Variants in CLIP1 observed in about 807,000 individuals in gnomAD.
CLIP1 encodes the protein CAP-Gly domain containing linker protein 1, also known as CAP-Gly domain-containing linker protein 1.
CLIP1 carries 66 observed loss-of-function variants against 161.6 expected under a neutral mutation model. The ratio of observed to expected loss-of-function variants is 0.41; its 90% CI spans 0.33 to 0.50. The LOEUF (loss-of-function observed/expected upper bound fraction) is 0.50, where lower values mean the gene tolerates loss of function less well. Ranked by LOEUF, CLIP1 falls within the 20% of genes least tolerant of loss-of-function variation. The probability of loss-of-function intolerance (pLI) is 0.27; values close to 1 mark genes in which losing one functional copy is unlikely to be tolerated. For synonymous variants in CLIP1, 598 were observed against 626.2 expected (o/e 0.96, Z 0.67); for missense variants, 1,376 against 1,702.0 (o/e 0.81, Z 3.37).
intron 3 of CLIP1, chr12:122,364,730 G>A: frequency 1.7e-6 from 1 of 586,942 alleles, no homozygotes; most frequent in Non-Finnish European, 3.2e-6. Context: ...TAACAGAAAT[G>A]TTCCTGCTTC....
At chr12:122,316,882 A>G (rs1951294249) in intron 18 of CLIP1, 27 bp from the exon 19 acceptor site, 2 of 1,308,408 alleles carry the variant, frequency 1.5e-6, no homozygotes, top group Non-Finnish European at 2.1e-6. Flanking sequence ...AAAAAACTTG[A>G]TGAAATTATT....
intron 21 of CLIP1, among the ~76,000 whole-genome samples, chr12:122,285,300 C>G (rs1358918118): frequency 1.3e-5 from 2 of 150,826 alleles, no homozygotes; most frequent in African/African-American, 4.9e-5. Context: ...GATCTCGGCT[C>G]ACTACAACCT....
At chr12:122,309,741 C>T (rs575218302) in intron 20 of CLIP1, 21 bp downstream of exon 20, 3 of 1,611,786 alleles carry the variant, frequency 1.9e-6, no homozygotes, top group Admixed American at 1.7e-5. Flanking sequence ...CAGCTGGAAC[C>T]CCTCGCCAAA....
intron 18 of CLIP1, among the ~76,000 whole-genome samples, chr12:122,317,853 C>T (rs972219954): frequency 1.3e-5 from 2 of 152,062 alleles, no homozygotes; most frequent in Admixed American, 6.6e-5. Context: ...TTCATCCAAC[C>T]CTGAATTCTG....
At chr12:122,411,358 A>G (rs1475959189) in intron 1 of CLIP1, among the ~76,000 whole-genome samples, 1 of 152,166 alleles carries the variant, frequency 6.6e-6, no homozygotes, top group Non-Finnish European at 1.5e-5. Context: ...GGAGGTTGCA[A>G]TGAGCCGAGA....
At chr12:122,338,279 A>T (rs893834232) in intron 11 of CLIP1, among the ~76,000 whole-genome samples, 1 of 152,204 alleles carries the variant, frequency 6.6e-6, no homozygotes, top group African/African-American at 2.4e-5. Context: ...CGGAGGCTGC[A>T]GTGAGGGTGA....
chr12:122,380,495 C>CTATCTTT lies in CLIP1; in HGVS notation c.-50_-44dup. On this transcript the variant is annotated 5_prime_UTR_variant, in exon 2 of 26. It removes the in-frame stop codon of an upstream open reading frame in the 5' UTR. Coordinates refer to ENST00000620786, the MANE Select transcript of CLIP1 (RefSeq NM_001247997.2). ...GCTGTTTCTCCTTTGCCTGTTGCCA[C>CTATCTTT]TATCTTTCCCCAACCATTGATACAA... 1 of 1,266,716 alleles carries CTATCTTT rather than the reference C, an allele frequency of 7.9e-7. No homozygotes were observed. Among genetic ancestry groups the CTATCTTT allele is most frequent in the Non-Finnish European group, 1.1e-6 (1 of 872,418 alleles). 78.5% of individuals were successfully genotyped at this position (1,266,716 alleles called of 1,614,324 possible).
At chr12:122,339,605 G>A (rs544503235) in intron 11 of CLIP1, among the ~76,000 whole-genome samples, 7 of 152,236 alleles carry the variant, frequency 4.6e-5, no homozygotes, top group Middle Eastern at 3.4e-3. Context: ...TTACAGGCAT[G>A]AGCCACCTTG....
At chr12:122,409,057 C>T (rs1377527728) in intron 1 of CLIP1, among the ~76,000 whole-genome samples, 2 of 152,104 alleles carry the variant, frequency 1.3e-5, no homozygotes, top group African/African-American at 4.8e-5. Flanking sequence ...GTGATCCGCC[C>T]GCCTTGGCCT....
chr12:122,319,842 C>T (rs1951416595), intron 17 of CLIP1, among the ~76,000 whole-genome samples: 1 of 152,132 alleles, frequency 6.6e-6, no homozygotes, highest in Non-Finnish European at 1.5e-5. Flanking sequence ...ATTATTTGGG[C>T]ACTTCTAACA....
At chr12:122,325,397 A>G (rs181062341) in intron 17 of CLIP1, among the ~76,000 whole-genome samples, 2 of 152,266 alleles carry the variant, frequency 1.3e-5, no homozygotes. Flanking sequence ...CATGGTGACC[A>G]TATGACTACT....
rs114025384 is a variant in CLIP1, at chr12:122,284,193, T to C, written c.3647+4296A>G. Among the ~76,000 whole-genome samples the C allele has an allele frequency of 4.6e-3, 700 of 152,300 alleles. 9 individuals are homozygous for C. Among genetic ancestry groups the C allele is most frequent in the African/African-American group, 0.016 (659 of 41,568 alleles). On this transcript the variant is annotated intron_variant, in intron 21 of 25. Transcript: ENST00000620786. ...AAAAACACTTCTACACATGAGAAAC[T>C]AGGAGTGAAATTTTCACTCCCAGAA...
At chr12:122,286,702 A>G (rs1955870247) in intron 21 of CLIP1, among the ~76,000 whole-genome samples, 1 of 151,512 alleles carries the variant, frequency 6.6e-6, no homozygotes, top group Non-Finnish European at 1.5e-5. Flanking sequence ...TGTCACTATA[A>G]AAAAAAATTT....
intron 1 of CLIP1, among the ~76,000 whole-genome samples, chr12:122,388,905 G>A (rs1955455175): frequency 6.6e-6 from 1 of 152,138 alleles, no homozygotes; most frequent in Admixed American, 6.6e-5. Flanking sequence ...CCACTGCTAA[G>A]TTATTCATCA....
In CLIP1 at chr12:122,364,919, G is replaced by A. The variant is rs1460055374; in HGVS notation, c.658-812C>T. On this transcript the variant is annotated intron_variant, in intron 3 of 25. Transcript: ENST00000620786. ...ATATTGCAGCCATAAAAAATGATGA[G>A]TTCATGTCCTTTGTAGGGACATGGA... 5.3e-5 allele frequency: 29 copies of A among 547,128 alleles called. No individual in the cohort carries two copies. The Admixed American group carries it at 6.1e-4, about 12-fold the overall frequency. 33.9% of individuals were successfully genotyped at this position (547,128 alleles called of 1,614,324 possible).
intron 12 of CLIP1, 60 bp from the exon 13 acceptor site, chr12:122,334,765 T>C (rs1228548607): frequency 2.2e-5 from 23 of 1,047,464 alleles, no homozygotes; most frequent in Non-Finnish European, 3.0e-5. Context: ...AGACAAGAAG[T>C]TTCTATCAAT....
chr12:122,407,494 A>G (rs1318357157), intron 1 of CLIP1, among the ~76,000 whole-genome samples: 1 of 151,882 alleles, frequency 6.6e-6, no homozygotes, highest in Non-Finnish European at 1.5e-5. Flanking sequence ...AGATCACTTG[A>G]GCCCAGGAGT....
In CLIP1 at chr12:122,273,188, AGAACTAAT is replaced by A. The variant is rs983925182; in HGVS notation, c.4092-96_4092-89del. On this transcript the variant is annotated intron_variant, in intron 25 of 25. Coordinates refer to ENST00000620786, the MANE Select transcript of CLIP1 (RefSeq NM_001247997.2). ...TTGCAAAAAATTTAAAAATTAAGCA[AGAACTAAT>A]TATGGCCAAGTCTGTGAGCTTCCAG... 36 of 1,058,390 alleles carry A rather than the reference AGAACTAAT, an allele frequency of 3.4e-5. No individual in the cohort carries two copies. The South Asian group carries it at 4.6e-4, about 14-fold the overall frequency. The allele number at this position is 1,058,390 out of a possible 1,614,324, so 65.6% of individuals were successfully genotyped here.
rs1417549267 is a variant in CLIP1, at chr12:122,347,378, A to G, written c.1503T>C (p.Thr501=). ...ATTAAATAGTGAAAACCATTACCCT[A>G]GTGTCTTCTAACTCCCTCTGGAGTT... ...ADKLQRELED[T]RVATVSEKSR... is the part of the protein sequence containing the mutation. Residue 501 remains threonine (T), a synonymous_variant, in exon 10 of 26, where the codon ACT becomes ACC. Transcript: ENST00000620786. 1 of 1,603,998 alleles carries G rather than the reference A, an allele frequency of 6.2e-7. No individual in the cohort carries two copies. The highest frequency in any genetic ancestry group is 1.1e-5 in the South Asian group (1 of 90,884).
Sources: allele counts gnomAD v4.1 joint callset (sites outside exome capture counted in the v4.1 genomes callset), GRCh38; gene constraint gnomAD v4.1.1; transcripts MANE v1.5; gene names NCBI Gene and HGNC (gene_info 2026-07-23, HGNC 2026-07-21).